Variants in FBXL2 observed in about 807,000 individuals in gnomAD.
The protein encoded by FBXL2 is F-box and leucine rich repeat protein 2.
In FBXL2, 38 loss-of-function variants were observed where a neutral mutation model predicts 69.2. That is an observed-to-expected ratio of 0.55 (90% CI 0.42 to 0.72). FBXL2 has a LOEUF of 0.72. Among genes scored for constraint, FBXL2 ranks in the 30% least tolerant of loss-of-function variants. The pLI is 0.00. For synonymous variants in FBXL2, 192 were observed against 201.3 expected (o/e 0.95, Z 0.39); for missense variants, 354 against 520.3 (o/e 0.68, Z 3.11).
the FBXL2 span, among the ~76,000 whole-genome samples, chr3:33,415,408 A>G: frequency 8.5e-5 from 13 of 152,244 alleles, no homozygotes; most frequent in African/African-American, 3.1e-4. Context: ...AGTAAATTCT[A>G]TAATCCGGCA....
At position 33,386,140 on chromosome 3, in the gene FBXL2, G is replaced by C. The variant is rs2154052769; in HGVS notation, c.*532G>C. The C allele has an allele frequency of 6.2e-6, 1 of 162,054 alleles. No homozygotes were observed. Among genetic ancestry groups the C allele is most frequent in the South Asian group, 1.6e-4 (1 of 6,274 alleles). 10.0% of individuals were successfully genotyped at this position (162,054 alleles called of 1,614,324 possible). ...AATGCCTGATAGTTTTATATATAGA[G>C]ACTTATGTGGAAGGCATGTTAATAG... On this transcript the variant is annotated 3_prime_UTR_variant, in exon 15 of 15. Transcript: ENST00000484457.
chr3:33,357,773 C>G (rs1384601370), intron 2 of FBXL2, among the ~76,000 whole-genome samples: 1 of 152,136 alleles, frequency 6.6e-6, no homozygotes, highest in African/African-American at 2.4e-5. Flanking sequence ...TCGTGATCCG[C>G]CCACCTCGGC....
At position 33,387,804 on chromosome 3, in the gene FBXL2, C is replaced by T. The variant is rs1305797954; in HGVS notation, c.*2196C>T. 1 of 152,248 alleles carries T rather than the reference C, an allele frequency of 6.6e-6. No homozygotes were observed. The highest frequency in any genetic ancestry group is 6.5e-5 in the Admixed American group (1 of 15,284). 9.4% of individuals were successfully genotyped at this position (152,248 alleles called of 1,614,324 possible). On this transcript the variant is annotated 3_prime_UTR_variant, in exon 15 of 15. Coordinates refer to ENST00000484457, the MANE Select transcript of FBXL2 (RefSeq NM_012157.5). ...GGTTTGCAGGCTGGGCACGGTGGCT[C>T]ACGCCTGTAATCCCAGCACTTTGGG...
downstream of FBXL2, chr3:33,388,125 TTTAGTTAGTTAG>T (rs71070136): frequency 1.9e-4 from 28 of 145,724 alleles, no homozygotes; most frequent in Non-Finnish European, 2.6e-4. Context: ...TCTGGAATAG[TTTAGTTAGTTAG>T]TTAGTTAGTT....
chr3:33,384,241 C>G (rs1227250240), intron 14 of FBXL2, 40 bp downstream of exon 14: 2 of 1,582,224 alleles, frequency 1.3e-6, no homozygotes, highest in Non-Finnish European at 1.7e-6. Context: ...CCTGACATTT[C>G]TAAGCACCAA....
intron 2 of FBXL2, among the ~76,000 whole-genome samples, chr3:33,299,130 C>T (rs2036028991): frequency 6.6e-6 from 1 of 151,970 alleles, no homozygotes; most frequent in African/African-American, 2.4e-5. Context: ...CATCTTCCGC[C>T]TCCCAGGTTC....
chr3:33,282,366 G>T (rs1184986863), intron 1 of FBXL2, among the ~76,000 whole-genome samples: 1 of 152,068 alleles, frequency 6.6e-6, no homozygotes, highest in African/African-American at 2.4e-5. Flanking sequence ...TAGATGTGTG[G>T]TGTTATTTCT....
intron 2 of FBXL2, among the ~76,000 whole-genome samples, chr3:33,299,027 T>TTTA (rs1553634500): frequency 1.2e-4 from 17 of 146,142 alleles, no homozygotes; most frequent in African/African-American, 4.1e-4. Context: ...ATTTTTTTAA[T>TTTA]TTTATTTATT....
At chr3:33,411,825 C>T in the FBXL2 span, 2 of 673,372 alleles carry the variant, frequency 3.0e-6, no homozygotes, top group South Asian at 1.9e-5. Flanking sequence ...TGATCAACTT[C>T]TTCAACATCG....
intron 13 of FBXL2, among the ~76,000 whole-genome samples, chr3:33,380,254 A>G (rs1325851729): frequency 2.0e-5 from 3 of 151,276 alleles, no homozygotes; most frequent in East Asian, 1.9e-4. Flanking sequence ...CAAAAGAAAA[A>G]GTTACTTTAA....
intron 1 of FBXL2, among the ~76,000 whole-genome samples, chr3:33,284,430 G>A (rs2034380388): frequency 6.6e-6 from 1 of 152,132 alleles, no homozygotes; most frequent in Non-Finnish European, 1.5e-5. Flanking sequence ...TATAATTTCT[G>A]TTCTTTTACA....
intron 12 of FBXL2, among the ~76,000 whole-genome samples, chr3:33,402,185 A>G (rs2154056184): frequency 6.6e-6 from 1 of 152,336 alleles, no homozygotes; most frequent in South Asian, 2.1e-4. Context: ...CCTAGAATGG[A>G]AAGCCGCCAT....
chr3:33,389,050 T>C (rs1444236491), downstream of FBXL2: 1 of 152,458 alleles, frequency 6.6e-6, no homozygotes, highest in Non-Finnish European at 1.5e-5. Context: ...TCAAACATGC[T>C]TGCTGATGGA....
At chr3:33,343,620 G>C (rs746307573) in intron 2 of FBXL2, among the ~76,000 whole-genome samples, 5 of 151,930 alleles carry the variant, frequency 3.3e-5, no homozygotes, top group Non-Finnish European at 7.4e-5. Context: ...TCTTCAGCAG[G>C]ACACCTAGTC....
intron 2 of FBXL2, among the ~76,000 whole-genome samples, chr3:33,301,801 A>G (rs1392649133): frequency 2.0e-5 from 3 of 152,246 alleles, no homozygotes; most frequent in East Asian, 1.9e-4. Context: ...ACCATTATCT[A>G]TTAGTGAGTT....
chr3:33,408,140 G>A (rs2044477042), downstream of FBXL2, among the ~76,000 whole-genome samples: 2 of 151,714 alleles, frequency 1.3e-5, no homozygotes, highest in African/African-American at 4.8e-5. Context: ...TACCAGTGCT[G>A]CCAAACAGGC....
chr3:33,295,984 T>TTTGCGGATA (rs1168731897), intron 1 of FBXL2, among the ~76,000 whole-genome samples: 3 of 152,188 alleles, frequency 2.0e-5, no homozygotes, highest in Non-Finnish European at 4.4e-5. Flanking sequence ...AGATCTGTGA[T>TTTGCGGATA]TTGCGGATAT....
chr3:33,391,905 C>A, downstream of FBXL2: 1 of 152,606 alleles, frequency 6.6e-6, no homozygotes, highest in Non-Finnish European at 1.5e-5. Flanking sequence ...CATGCCAGAC[C>A]CGGCCTCCTG....
chr3:33,367,928 A>G (rs929044701), intron 5 of FBXL2, among the ~76,000 whole-genome samples: 1 of 152,320 alleles, frequency 6.6e-6, no homozygotes, highest in East Asian at 1.9e-4. Flanking sequence ...TTCATGCAAA[A>G]TGCATTCTAA....
Sources: allele counts gnomAD v4.1 joint callset (sites outside exome capture counted in the v4.1 genomes callset), GRCh38; gene constraint gnomAD v4.1.1; transcripts MANE v1.5; gene names NCBI Gene and HGNC (gene_info 2026-07-23, HGNC 2026-07-21).